Variants in CNKSR3 observed in about 807,000 individuals in gnomAD.
CNKSR3 encodes CNKSR family member 3, also known as connector enhancer of kinase suppressor of ras 3.
Under a neutral mutation model 67.7 loss-of-function variants are expected in CNKSR3, and 36 were observed. The observed-to-expected ratio is 0.53, with a 90% CI of 0.41 to 0.70. The LOEUF (loss-of-function observed/expected upper bound fraction) is 0.70, where lower values mean the gene tolerates loss of function less well. Ranked by LOEUF, CNKSR3 falls within the 30% of genes least tolerant of loss-of-function variation. The pLI is 0.00. For synonymous variants in CNKSR3, 281 were observed against 271.4 expected, an observed-to-expected ratio of 1.04 and a Z score of -0.35; for missense variants, 630 against 695.2, an observed-to-expected ratio of 0.91 and a Z score of 1.05.
intron 4 of CNKSR3, chr6:154,434,144 C>T (rs1345319097): frequency 1.3e-5 from 2 of 152,172 alleles, no homozygotes; most frequent in Non-Finnish European, 2.9e-5. Flanking sequence ...ATTATTTATT[C>T]AGCTTAAGAA....
intron 9 of CNKSR3, among the ~76,000 whole-genome samples, chr6:154,415,109 A>C (rs1324591537): frequency 4.7e-5 from 7 of 149,828 alleles, no homozygotes; most frequent in African/African-American, 1.7e-4. Flanking sequence ...AAAAAAAAAA[A>C]AAAAAAAAAA....
At chr6:154,446,327 G>A (rs1010083974) in intron 2 of CNKSR3, among the ~76,000 whole-genome samples, 3 of 152,110 alleles carry the variant, frequency 2.0e-5, no homozygotes, top group South Asian at 2.1e-4. Flanking sequence ...AGCTCTGTTC[G>A]TGATCTAACG....
At chr6:154,437,300 C>T (rs1785490600) in intron 4 of CNKSR3, among the ~76,000 whole-genome samples, 1 of 151,976 alleles carries the variant, frequency 6.6e-6, no homozygotes, top group African/African-American at 2.4e-5. Context: ...CATCACAACG[C>T]ACATGGGGTA....
chr6:154,410,593 T>C (rs138736602), intron 11 of CNKSR3, among the ~76,000 whole-genome samples, 161 bp from the exon 12 acceptor site: 144 of 152,268 alleles, frequency 9.5e-4, no homozygotes, highest in African/African-American at 3.4e-3. Context: ...TGTATTTCCA[T>C]AGCAGGAAAT....
At chr6:154,468,393 TACACACACACACACACAC>T (rs55806681) in intron 1 of CNKSR3, among the ~76,000 whole-genome samples, 1 of 137,218 alleles carries the variant, frequency 7.3e-6, no homozygotes, top group African/African-American at 2.7e-5. Flanking sequence ...ATATATTTTA[TACACACACACACACACAC>T]ACACACACAC....
At chr6:154,470,510 A>G (rs545361960) in intron 1 of CNKSR3, among the ~76,000 whole-genome samples, 24 of 152,224 alleles carry the variant, frequency 1.6e-4, no homozygotes, top group Non-Finnish European at 2.9e-4. Context: ...CCTGTTCTGA[A>G]TATTTCATAT....
At chr6:154,439,782 T>C (rs1785544198) in intron 4 of CNKSR3, among the ~76,000 whole-genome samples, 1 of 152,058 alleles carries the variant, frequency 6.6e-6, no homozygotes, top group Non-Finnish European at 1.5e-5. Context: ...GTCCCAGCTA[T>C]CCAGGAGGCT....
rs1443172034 is a variant in CNKSR3, at chr6:154,450,253, C to T, written c.58G>A (p.Asp20Asn). 33 of 1,613,386 alleles carry T rather than the reference C, an allele frequency of 2.0e-5. No individual in the cohort carries two copies. Among genetic ancestry groups the T allele is most frequent in the Non-Finnish European group, 2.6e-5 (31 of 1,179,662 alleles). The change falls in exon 2 of 13, where the codon GAT becomes AAT. Residue 20 changes from aspartate (D) to asparagine (N), a missense_variant. By Grantham distance (23) the Asp-to-Asn change is conservative. Around this residue, in one of 3 missense-constraint regions of CNKSR3, gnomAD observed 189 missense variants for 205.0 expected, o/e 0.92. Coordinates refer to ENST00000607772, the MANE Select transcript of CNKSR3 (RefSeq NM_173515.4). ...KQVVDWTRGL[D>N]DCLQQYVHKF... ...TGGACATATTGTTGCAGGCAGTCAT[C>T]CAACCCTGCCAAAAACAATCAGAAG...
At chr6:154,482,310 T>C (rs933634493) in intron 1 of CNKSR3, among the ~76,000 whole-genome samples, 4 of 152,248 alleles carry the variant, frequency 2.6e-5, no homozygotes, top group Non-Finnish European at 5.9e-5. Flanking sequence ...GGGCAGGAGA[T>C]CAGTTCTCCC....
Position 154,406,213 on chromosome 6 carries a change from G to A in CNKSR3, c.*141C>T, listed in dbSNP as rs1188468402. 2.6e-5 allele frequency: 19 copies of A among 740,426 alleles called. No homozygotes were observed. Among genetic ancestry groups the A allele is most frequent in the Non-Finnish European group, 4.1e-5 (19 of 459,764 alleles). The allele number at this position is 740,426 out of a possible 1,614,324, so 45.9% of individuals were successfully genotyped here. On this transcript the variant is annotated 3_prime_UTR_variant, in exon 13 of 13. Transcript: ENST00000607772. The stretch of plus-strand genomic sequence containing the variant: ...CCAATCCTGCAAACTTCCAAGAAGG[G>A]CAGTAGATAACTTTTCAAAAGAAAA...
chr6:154,500,435 C>T (rs933979641), intron 1 of CNKSR3, among the ~76,000 whole-genome samples: 5 of 152,070 alleles, frequency 3.3e-5, no homozygotes, highest in Admixed American at 6.6e-5. Context: ...ATAGAAAGCA[C>T]GTAGGGGTTT....
In CNKSR3 at chr6:154,393,910, T is replaced by C. The variant is rs564246350; in HGVS notation, c.*12444A>G. On this transcript the variant is annotated 3_prime_UTR_variant, in exon 13 of 13. Coordinates refer to ENST00000607772, the MANE Select transcript of CNKSR3 (RefSeq NM_173515.4). ...CTTGAGTATTAATATTAGAAAAGAG[T>C]TGTAAATTAATAAGCTAAATATCCA... 5.3e-5 allele frequency: 8 copies of C among 151,790 alleles called. No homozygotes were observed. The South Asian group carries it at 1.5e-3, about 28-fold the overall frequency. 9.4% of individuals were successfully genotyped at this position (151,790 alleles called of 1,614,324 possible).
chr6:154,474,688 A>G lies in CNKSR3; in HGVS notation c.53-24430T>C, dbSNP rs77007053. 7.1e-3 allele frequency among the ~76,000 whole-genome samples: 1,087 copies of G among 152,338 alleles called. 21 individuals carry two copies. Among genetic ancestry groups the G allele is most frequent in the African/African-American group, 0.025 (1,038 of 41,578 alleles). ...TGTGCCCCTGGCACAGCCGTAGACT[A>G]TAGTGTCATGGGAGAAAGAAATGGA... On this transcript the variant is annotated intron_variant, in intron 1 of 12. Transcript: ENST00000607772.
chr6:154,466,409 C>G (rs1022704977), intron 1 of CNKSR3, among the ~76,000 whole-genome samples: 10 of 152,102 alleles, frequency 6.6e-5, no homozygotes, highest in Non-Finnish European at 1.5e-5. Flanking sequence ...GAAACACGCA[C>G]AAGCATGAGC....
At chr6:154,504,367 A>C (rs1787056034) in intron 1 of CNKSR3, among the ~76,000 whole-genome samples, 1 of 152,180 alleles carries the variant, frequency 6.6e-6, no homozygotes, top group Non-Finnish European at 1.5e-5. Flanking sequence ...CTTATGAAAG[A>C]CTTCACTGCT....
intron 4 of CNKSR3, among the ~76,000 whole-genome samples, chr6:154,440,139 T>C (rs1785551015): frequency 6.6e-6 from 1 of 152,190 alleles, no homozygotes; most frequent in South Asian, 2.1e-4. Context: ...TCTAAGATCA[T>C]GACCTCAAAA....
At chr6:154,411,894 C>A (rs1057488004) in intron 10 of CNKSR3, among the ~76,000 whole-genome samples, 1 of 152,134 alleles carries the variant, frequency 6.6e-6, no homozygotes, top group Non-Finnish European at 1.5e-5. Context: ...TCAAAAGATA[C>A]AAAGGAACCT....
In CNKSR3 at chr6:154,510,205, C is replaced by G; in HGVS notation, c.-91G>C. The G allele has an allele frequency of 6.7e-7, 1 of 1,482,928 alleles. No individual in the cohort carries two copies. The highest frequency in any genetic ancestry group is 9.4e-7 in the Non-Finnish European group (1 of 1,067,998). The allele number at this position is 1,482,928 out of a possible 1,614,324, so 91.9% of individuals were successfully genotyped here. On this transcript the variant is annotated 5_prime_UTR_variant, in exon 1 of 13. Coordinates refer to ENST00000607772, the MANE Select transcript of CNKSR3 (RefSeq NM_173515.4). ...GTGCCCCTTCCCGGGAGGGCGCGCC[C>G]GCGGCTGCTCCCCTGCGCCCGAGCG...
At position 154,422,904 on chromosome 6, in the gene CNKSR3, A is replaced by G; in HGVS notation, c.798+11T>C. 1.9e-6 allele frequency: 3 copies of G among 1,593,444 alleles called. No individual in the cohort carries two copies. The highest frequency in any genetic ancestry group is 1.7e-4 in the Middle Eastern group (1 of 5,988). ...TAAGGAGGAAAATTGAGCCTCAATA[A>G]ACAAACTCACCACAGTTTGCTGATT... On this transcript the variant is annotated intron_variant, in intron 8 of 12. Transcript: ENST00000607772.
Sources: gnomAD v4.1 joint callset for allele counts (sites outside exome capture counted in the v4.1 genomes callset) on GRCh38, gnomAD v4.1.1 for gene constraint, gnomAD v4.1.1 regional missense constraint, MANE v1.5 for transcripts, NCBI Gene and HGNC (gene_info 2026-07-23, HGNC 2026-07-21) for gene names.